Variants in SDK1 observed in about 807,000 individuals in gnomAD.
SDK1 encodes sidekick cell adhesion molecule 1, also known as protein sidekick-1.
A neutral mutation model predicts 245.5 loss-of-function variants in SDK1; 157 were observed. That is an observed-to-expected ratio of 0.64 (90% CI 0.56 to 0.73). The LOEUF is 0.73. Ranked by LOEUF, SDK1 falls within the 30% of genes least tolerant of loss-of-function variation. The pLI, the probability that SDK1 is intolerant of heterozygous loss-of-function variation, is 0.00. For synonymous variants in SDK1, 1,647 were observed against 1,278.5 expected, an observed-to-expected ratio of 1.29 and a Z score of -6.15; for missense variants, 3,583 against 3,002.3, an observed-to-expected ratio of 1.19 and a Z score of -4.52.
intron 7 of SDK1, among the ~76,000 whole-genome samples, chr7:3,954,194 C>T (rs565959740): frequency 6.6e-6 from 1 of 151,462 alleles, no homozygotes; most frequent in Non-Finnish European, 1.5e-5. Context: ...ACCACCCCGC[C>T]ACTGGCTGCC....
At chr7:4,130,324 C>A in intron 27 of SDK1, 1 of 559,758 alleles carries the variant, frequency 1.8e-6, no homozygotes, top group Non-Finnish European at 3.1e-6. Context: ...CTGAGTTTCC[C>A]TCATAACTCT....
intron 1 of SDK1, among the ~76,000 whole-genome samples, chr7:3,593,065 A>T (rs1451961260): frequency 1.3e-5 from 2 of 152,180 alleles, no homozygotes; most frequent in Non-Finnish European, 2.9e-5. Context: ...GCAGAAGAGA[A>T]TTTTGCCTCT....
chr7:3,580,153 A>G (rs923852905), intron 1 of SDK1, among the ~76,000 whole-genome samples: 3 of 152,226 alleles, frequency 2.0e-5, no homozygotes, highest in Non-Finnish European at 4.4e-5. Flanking sequence ...TGACACAAAC[A>G]AATAGAAAAA....
At chr7:3,652,029 G>C (rs371185892) in intron 4 of SDK1, among the ~76,000 whole-genome samples, 106 of 152,290 alleles carry the variant, frequency 7.0e-4, no homozygotes, top group African/African-American at 2.4e-3. Context: ...ACTGAATCTA[G>C]AAGGCAATGC....
intron 5 of SDK1, among the ~76,000 whole-genome samples, chr7:3,903,501 T>C (rs1403397500): frequency 6.6e-6 from 1 of 152,150 alleles, no homozygotes; most frequent in African/African-American, 2.4e-5. Flanking sequence ...AGATACATTT[T>C]AACCCTTATA....
chr7:3,803,016 G>A (rs1779144843), intron 4 of SDK1, among the ~76,000 whole-genome samples: 1 of 152,162 alleles, frequency 6.6e-6, no homozygotes, highest in Non-Finnish European at 1.5e-5. Context: ...TCGAATGTAA[G>A]TATATGTTTG....
At chr7:3,616,073 A>T (rs1327040981) in intron 1 of SDK1, among the ~76,000 whole-genome samples, 1 of 151,948 alleles carries the variant, frequency 6.6e-6, no homozygotes, top group Non-Finnish European at 1.5e-5. Context: ...CTTTTTGTGG[A>T]GATGGGGTCT....
At chr7:3,695,532 A>G (rs1349448993) in intron 4 of SDK1, among the ~76,000 whole-genome samples, 1 of 152,168 alleles carries the variant, frequency 6.6e-6, no homozygotes, top group African/African-American at 2.4e-5. Context: ...AGGTGTTTTC[A>G]TTTATCAAAA....
chr7:3,961,744 T>C (rs796131872), intron 8 of SDK1, among the ~76,000 whole-genome samples: 26 of 152,342 alleles, frequency 1.7e-4, no homozygotes, highest in African/African-American at 5.3e-4. Context: ...CTCATTTTCA[T>C]TGTTAGCTGT....
intron 4 of SDK1, among the ~76,000 whole-genome samples, chr7:3,773,982 A>G (rs186942516): frequency 6.6e-6 from 1 of 152,262 alleles, no homozygotes; most frequent in Non-Finnish European, 1.5e-5. Flanking sequence ...TGGGAGGCCA[A>G]GGTGGGTGGA....
In SDK1 at chr7:3,859,950, T is replaced by C. The variant is rs1019725587; in HGVS notation, c.847+38367T>C. On this transcript the variant is annotated intron_variant, in intron 5 of 44. Transcript: ENST00000404826. ...TTTTTTTTTTTTTGAGACGGAGTCT[T>C]ACTCTGTCGCCCAGGCTAGAGTGCA... is the stretch of plus-strand genomic sequence containing the variant. Among the ~76,000 whole-genome samples, 16 of 152,092 alleles carry C rather than the reference T, an allele frequency of 1.1e-4. 2 individuals are homozygous for C. The South Asian group carries it at 3.1e-3, about 30-fold the overall frequency.
At chr7:4,071,468 C>G (rs774468406) in intron 20 of SDK1, among the ~76,000 whole-genome samples, 1 of 152,220 alleles carries the variant, frequency 6.6e-6, no homozygotes, top group Non-Finnish European at 1.5e-5. Flanking sequence ...ATCTGTTGCA[C>G]ATTCTGAAGT....
chr7:4,115,145 G>C (rs539094062), intron 25 of SDK1, among the ~76,000 whole-genome samples: 4 of 152,292 alleles, frequency 2.6e-5, no homozygotes, highest in Admixed American at 2.6e-4. Flanking sequence ...GCTCATGAAG[G>C]ACTCACTGTC....
At chr7:4,108,111 C>T (rs184331978) in intron 22 of SDK1, among the ~76,000 whole-genome samples, 4 of 152,118 alleles carry the variant, frequency 2.6e-5, no homozygotes, top group African/African-American at 7.2e-5. Flanking sequence ...ATCCCCGGAT[C>T]GTGAAGTTCA....
At chr7:3,453,723 G>A (rs1780589822) in intron 1 of SDK1, among the ~76,000 whole-genome samples, 1 of 151,030 alleles carries the variant, frequency 6.6e-6, no homozygotes, top group South Asian at 2.1e-4. Flanking sequence ...GGCACTACAG[G>A]TGCACCACCA....
intron 4 of SDK1, among the ~76,000 whole-genome samples, chr7:3,751,530 T>C (rs1779771672): frequency 6.6e-6 from 1 of 152,056 alleles, no homozygotes; most frequent in Non-Finnish European, 1.5e-5. Flanking sequence ...CTCCAATGCT[T>C]CAAAGCCTGG....
At chr7:3,806,572 A>G (rs1357415520) in intron 4 of SDK1, among the ~76,000 whole-genome samples, 1 of 152,244 alleles carries the variant, frequency 6.6e-6, no homozygotes, top group East Asian at 1.9e-4. Flanking sequence ...CCTTTGCAGA[A>G]CTTCACACCT....
intron 4 of SDK1, among the ~76,000 whole-genome samples, chr7:3,674,153 G>C (rs1196461728): frequency 6.6e-6 from 1 of 152,168 alleles, no homozygotes; most frequent in Non-Finnish European, 1.5e-5. Context: ...GAAATTGTGA[G>C]TCAAGAGCTA....
intron 5 of SDK1, among the ~76,000 whole-genome samples, chr7:3,878,896 A>G (rs1478524674): frequency 6.6e-6 from 1 of 152,232 alleles, no homozygotes; most frequent in Non-Finnish European, 1.5e-5. Context: ...CAACTGAATG[A>G]ACTATCACAA....
Sources: allele counts gnomAD v4.1 joint callset (sites outside exome capture counted in the v4.1 genomes callset), GRCh38; gene constraint gnomAD v4.1.1; transcripts MANE v1.5; gene names NCBI Gene and HGNC (gene_info 2026-07-23, HGNC 2026-07-21).